The following SART3 variants were observed in gnomAD, a reference collection of about 807,000 sequenced individuals.
The protein encoded by SART3 is spliceosome associated factor 3, U4/U6 recycling protein.
Under a neutral mutation model 122.3 loss-of-function variants are expected in SART3, and 44 were observed. The observed-to-expected ratio is 0.36, with a 90% CI of 0.28 to 0.46. The LOEUF (loss-of-function observed/expected upper bound fraction) is 0.46. Among genes scored for constraint, SART3 ranks in the 20% least tolerant of loss-of-function variants. SART3 has a pLI of 1.00. For synonymous variants in SART3, 442 were observed against 454.0 expected (o/e 0.97, Z 0.34); for missense variants, 1,101 against 1,229.0 (o/e 0.90, Z 1.56).
intron 13 of SART3, 106 bp from the exon 14 acceptor site, chr12:108,531,386 C>CAA (rs1391532948): frequency 1.2e-6 from 1 of 826,672 alleles, no homozygotes; most frequent in Non-Finnish European, 2.0e-6. Context: ...TCTCTCCCAT[C>CAA]AAACAATAAG....
intron 16 of SART3, 92 bp from the exon 17 acceptor site, chr12:108,525,701 A>G: frequency 7.4e-7 from 1 of 1,350,842 alleles, no homozygotes; most frequent in Non-Finnish European, 1.1e-6. Flanking sequence ...CCCCATGAGC[A>G]GCCCAGCCAG....
At chr12:108,545,443 T>C in intron 3 of SART3, 120 bp from the exon 4 acceptor site, 1 of 873,906 alleles carries the variant, frequency 1.1e-6, no homozygotes, top group South Asian at 1.4e-5. Context: ...TAAATGACAG[T>C]GAAGGCCTAA....
rs771692147 is a variant in SART3, at chr12:108,560,917, G to T, written c.238C>A (p.Pro80Thr). 3.1e-6 allele frequency: 5 copies of T among 1,613,868 alleles called. No individual in the cohort carries two copies. Among genetic ancestry groups the T allele is most frequent in the African/African-American group, 2.7e-5 (2 of 75,026 alleles). The change falls in exon 1 of 19, where the codon CCC becomes ACC. Residue 80 changes from proline (P) to threonine (T), a missense_variant. Around this residue, in one of 2 missense-constraint regions of SART3, gnomAD observed 216 missense variants for 148.9 expected, o/e 1.45. Coordinates refer to ENST00000546815, the MANE Select transcript of SART3 (RefSeq NM_014706.4). The part of the protein sequence containing the change: ...YAMASSAESS[P>T]GEYEWEYDEE... ...TCATATTCCCACTCGTACTCCCCGG[G>T]GGAGCTCTCCGCGGAGGAAGCCATG...
chr12:108,545,272 T>C lies in SART3; in HGVS notation c.596A>G (p.Gln199Arg). Reference sequence around the variant, plus strand: ...GCGAACTTTCTCAAGGCCACCTTTCTGACCAATCCCACCAACTGAGTACTG... The same window carrying C: ...GCGAACTTTCTCAAGGCCACCTTTCCGACCAATCCCACCAACTGAGTACTG... ...YGQYSVGGIGQKGGLEKVRSV... is the reference protein window; with the variant it reads ...YGQYSVGGIGRKGGLEKVRSV... Residue 199 changes from glutamine to arginine, a missense_variant, in exon 4 of 19, where the codon CAG (glutamine) becomes CGG (arginine). This residue lies in a region of SART3 where 885 missense variants were observed against 1,080.1 expected (regional missense o/e 0.82). Transcript: ENST00000546815. 1 of 1,614,192 alleles carries C rather than the reference T, an allele frequency of 6.2e-7. No homozygotes were observed. Among genetic ancestry groups the C allele is most frequent in the Non-Finnish European group, 8.5e-7 (1 of 1,180,030 alleles).
At position 108,560,938 on chromosome 12, in the gene SART3, C is replaced by A; in HGVS notation, c.217G>T (p.Ala73Ser). ...CCGGGGGAGCTCTCCGCGGAGGAAG[C>A]CATGGCGTACTCATCCCCATCGCTC... ...SESDGDEYAM[A>S]SSAESSPGEY... Residue 73 changes from alanine to serine, a missense_variant, in exon 1 of 19, where the codon GCT (alanine) becomes TCT (serine). By Grantham distance (99) the Ala-to-Ser change is moderately conservative (BLOSUM62 1). Coordinates refer to ENST00000546815, the MANE Select transcript of SART3 (RefSeq NM_014706.4). 6.2e-7 allele frequency: 1 copy of A among 1,613,958 alleles called. No individual in the cohort carries two copies. The highest frequency in any genetic ancestry group is 8.5e-7 in the Non-Finnish European group (1 of 1,179,942).
chr12:108,528,618 G>A (rs2136664739), intron 15 of SART3, among the ~76,000 whole-genome samples: 1 of 152,280 alleles, frequency 6.6e-6, no homozygotes, highest in East Asian at 1.9e-4. Flanking sequence ...CAGGGACCCA[G>A]CAGCCTAGAT....
chr12:108,548,397 C>T (rs1873533866), intron 2 of SART3, among the ~76,000 whole-genome samples: 1 of 152,186 alleles, frequency 6.6e-6, no homozygotes. Context: ...CTACTGTTGC[C>T]ATCATTTAAC....
intron 13 of SART3, chr12:108,531,872 AAG>A (rs1294099640): frequency 5.7e-6 from 2 of 350,708 alleles, no homozygotes. Context: ...TGGCAATGTT[AAG>A]AGACATTTCT....
rs1398769232 is a variant in SART3 at position 108,530,138 on chromosome 12, T to G, written c.1915+4A>C. The G allele has an allele frequency of 3.1e-6, 5 of 1,614,106 alleles. No homozygotes were observed. In the South Asian group the frequency reaches 5.5e-5, roughly 18 times the overall value. On this transcript the variant is annotated splice_donor_region_variant and intron_variant, in intron 15 of 18. Coordinates refer to ENST00000546815, the MANE Select transcript of SART3 (RefSeq NM_014706.4). ...CAAAACACAATTTCTCAAGAGCTCC[T>G]TACCTTCTTCATCATCGCCCCACTC...
At chr12:108,557,417 C>T (rs180753698) in intron 1 of SART3, among the ~76,000 whole-genome samples, 325 of 152,004 alleles carry the variant, frequency 2.1e-3, no homozygotes, top group Non-Finnish European at 3.6e-3. Flanking sequence ...TGATTTAACT[C>T]CCTAGCAATG....
intron 14 of SART3, among the ~76,000 whole-genome samples, chr12:108,530,851 C>A (rs1315219884): frequency 2.0e-5 from 3 of 148,312 alleles, no homozygotes; most frequent in Non-Finnish European, 4.4e-5. Context: ...GAGCGAGACT[C>A]CGTCTCAAAA....
chr12:108,530,371 T>C, intron 14 of SART3, 61 bp from the exon 15 acceptor site: 1 of 1,582,928 alleles, frequency 6.3e-7, no homozygotes, highest in East Asian at 2.2e-5. Flanking sequence ...TGTACTGATT[T>C]GTCATGAAAG....
At chr12:108,534,736 T>C (rs903866933) in intron 12 of SART3, among the ~76,000 whole-genome samples, 2 of 152,160 alleles carry the variant, frequency 1.3e-5, no homozygotes, top group Admixed American at 1.3e-4. Context: ...ATATTCTAAT[T>C]TGGGCACACA....
In SART3 at chr12:108,544,412, G is replaced by A; in HGVS notation, c.781+15C>T. On this transcript the variant is annotated intron_variant, in intron 5 of 18. Coordinates refer to ENST00000546815, the MANE Select transcript of SART3 (RefSeq NM_014706.4). ...ACCATAGAGGGCTGGCTGTTGACATGTCAGTTTCTCTTACCATAGAGTGGG... is the reference window on the plus strand; with the variant it reads ...ACCATAGAGGGCTGGCTGTTGACATATCAGTTTCTCTTACCATAGAGTGGG... 1 of 1,606,972 alleles carries A rather than the reference G, an allele frequency of 6.2e-7. No homozygotes were observed. Among genetic ancestry groups the A allele is most frequent in the Non-Finnish European group, 8.5e-7 (1 of 1,173,370 alleles).
chr12:108,537,357 G>A (rs916049037), intron 9 of SART3, 131 bp downstream of exon 9: 15 of 711,834 alleles, frequency 2.1e-5, no homozygotes, highest in Middle Eastern at 3.6e-4. Flanking sequence ...AGATTTCTGG[G>A]GGAAAAAGTC....
At chr12:108,552,279 T>C (rs1156593446) in intron 1 of SART3, among the ~76,000 whole-genome samples, 2 of 152,044 alleles carry the variant, frequency 1.3e-5, no homozygotes, top group Non-Finnish European at 2.9e-5. Context: ...TGGTAAAAGA[T>C]TGAACACTTT....
rs2072579 is a variant in SART3 at position 108,561,086 on chromosome 12, G to C, written c.69C>G (p.Asp23Glu). ...CCGCCTTAACCTCATCCTCCTCTCC[G>C]TCAGCCTTGGGCCCAGCCTTGGACT... ...EAESKAGPKA[D>E]GEEDEVKAAR... is the part of the protein sequence containing the mutation. The change falls in exon 1 of 19, where the codon GAC becomes GAG. Residue 23 changes from aspartate (D) to glutamate (E), a missense_variant. Physicochemically the swap from Asp to Glu is conservative, Grantham distance 45 (BLOSUM62 2). Around this residue, in one of 2 missense-constraint regions of SART3, gnomAD observed 216 missense variants for 148.9 expected, o/e 1.45. Coordinates refer to ENST00000546815, the MANE Select transcript of SART3 (RefSeq NM_014706.4). 0.19 allele frequency: 305,020 copies of C among 1,613,552 alleles called. 32,308 individuals carry two copies. Among genetic ancestry groups the C allele is most frequent in the Admixed American group, 0.41 (24,583 of 59,934 alleles).
chr12:108,524,669 C>T, intron 17 of SART3, 163 bp from the exon 18 acceptor site: 1 of 670,772 alleles, frequency 1.5e-6, no homozygotes, highest in Non-Finnish European at 2.7e-6. Context: ...CCTCTGTCTA[C>T]AGGCTTATTT....
At position 108,543,149 on chromosome 12, in the gene SART3, A is replaced by G. The variant is rs1746598973; in HGVS notation, c.785T>C (p.Met262Thr). 1 of 1,614,168 alleles carries G rather than the reference A, an allele frequency of 6.2e-7. No individual in the cohort carries two copies. The highest frequency in any genetic ancestry group is 8.5e-7 in the Non-Finnish European group (1 of 1,179,998). ...TTCATACTCTGCAAATGTGGCCTCC[A>G]TATCTATTGAAAGATGGATTCAGCC... is the stretch of plus-strand genomic sequence containing the variant. ...RRQLAIPLYDMEATFAEYEEW... is the reference protein window; with the variant it reads ...RRQLAIPLYDTEATFAEYEEW... The change falls in exon 6 of 19, where the codon ATG becomes ACG. Residue 262 changes from methionine to threonine, a missense_variant. By Grantham distance (81) the Met-to-Thr change is moderately conservative. Around this residue, in one of 2 missense-constraint regions of SART3, gnomAD observed 885 missense variants for 1,080.1 expected, o/e 0.82. Transcript: ENST00000546815.
Sources: gnomAD v4.1 joint callset for allele counts (sites outside exome capture counted in the v4.1 genomes callset) on GRCh38, gnomAD v4.1.1 for gene constraint, gnomAD v4.1.1 regional missense constraint, MANE v1.5 for transcripts, NCBI Gene and HGNC (gene_info 2026-07-23, HGNC 2026-07-21) for gene names.